ASCC3: variants seen among roughly 807,000 people sequenced by gnomAD.
ASCC3 encodes the protein activating signal cointegrator 1 complex subunit 3.
ASCC3 carries 158 observed loss-of-function variants against 256.3 expected under a neutral mutation model. The observed-to-expected ratio is 0.62, with a 90% confidence interval of 0.54 to 0.70. The LOEUF (loss-of-function observed/expected upper bound fraction) is 0.70. Among genes scored for constraint, ASCC3 ranks in the 30% least tolerant of loss-of-function variants. The pLI is 0.00. For synonymous variants in ASCC3, 948 were observed against 883.4 expected, an observed-to-expected ratio of 1.07 and a Z score of -1.30; for missense variants, 2,259 against 2,626.0, an observed-to-expected ratio of 0.86 and a Z score of 3.05.
At chr6:100,625,086 T>C in intron 30 of ASCC3, 106 bp downstream of exon 30, 1 of 1,316,746 alleles carries the variant, frequency 7.6e-7, no homozygotes. Context: ...GGTGGCGGTA[T>C]TATGAATTTC....
At chr6:100,847,958 C>G in intron 4 of ASCC3, 190 bp downstream of exon 4, 1 of 526,096 alleles carries the variant, frequency 1.9e-6, no homozygotes, top group Non-Finnish European at 3.2e-6. Context: ...ACTCATTACA[C>G]TTTCAGACCT....
chr6:100,585,762 T>C (rs907815141), intron 36 of ASCC3, among the ~76,000 whole-genome samples: 5 of 152,218 alleles, frequency 3.3e-5, no homozygotes, highest in Admixed American at 6.5e-5. Flanking sequence ...GTTTTTGGTA[T>C]GGATGTCCTT....
At position 100,672,677 on chromosome 6, in the gene ASCC3, A is replaced by G. The variant is rs529156633; in HGVS notation, c.2286+6941T>C. Among the ~76,000 whole-genome samples, 21 of 152,212 alleles carry G rather than the reference A, an allele frequency of 1.4e-4. No homozygotes were observed. The South Asian group carries it at 3.5e-3, about 26-fold the overall frequency. On this transcript the variant is annotated intron_variant, in intron 14 of 41. Coordinates refer to ENST00000369162, the MANE Select transcript of ASCC3 (RefSeq NM_006828.4). Reference sequence around the variant, plus strand: ...TCACCATCATGTAACTGGTTGTTAAATTCAAGATCTGTAGTAGTAGCTCTG... The same window carrying G: ...TCACCATCATGTAACTGGTTGTTAAGTTCAAGATCTGTAGTAGTAGCTCTG...
At chr6:100,811,695 G>A (rs1259762602) in intron 4 of ASCC3, among the ~76,000 whole-genome samples, 2 of 151,946 alleles carry the variant, frequency 1.3e-5, no homozygotes, top group African/African-American at 4.8e-5. Flanking sequence ...CATTCAACAG[G>A]GCAAAAATTT....
At position 100,805,782 on chromosome 6, in the gene ASCC3, A is replaced by T. The variant is rs187622877; in HGVS notation, c.900T>A (p.Asp300Glu). ...TACCTTGAAGAGCCTGAAACCTATG[A>T]TCATTTGAAGAATTAAGAAATCTAT... ...IVDRFLNSSN[D>E]HRFQALQDNC... Residue 300 changes from aspartate to glutamate, a missense_variant, in exon 5 of 42, where the codon GAT becomes GAA. By Grantham distance (45) the Asp-to-Glu change is conservative. Around this residue, in one of 2 missense-constraint regions of ASCC3, gnomAD observed 420 missense variants for 419.3 expected, o/e 1.00. Coordinates refer to ENST00000369162, the MANE Select transcript of ASCC3 (RefSeq NM_006828.4). 237 of 1,611,276 alleles carry T rather than the reference A, an allele frequency of 1.5e-4. No homozygotes were observed. The East Asian group carries it at 4.7e-3, about 32-fold the overall frequency.
chr6:100,859,713 T>A (rs547220394), intron 3 of ASCC3, among the ~76,000 whole-genome samples: 1 of 152,144 alleles, frequency 6.6e-6, no homozygotes, highest in African/African-American at 2.4e-5. Flanking sequence ...ACCTTTTGAT[T>A]CATAGTTTTC....
chr6:100,780,517 T>C (rs1041841364), intron 8 of ASCC3, among the ~76,000 whole-genome samples: 3 of 152,048 alleles, frequency 2.0e-5, no homozygotes, highest in Admixed American at 6.6e-5. Context: ...AATGGAAGGA[T>C]TGCTTGAGGC....
intron 13 of ASCC3, among the ~76,000 whole-genome samples, chr6:100,691,316 T>G (rs1454770741): frequency 6.6e-6 from 1 of 152,018 alleles, no homozygotes; most frequent in Non-Finnish European, 1.5e-5. Flanking sequence ...AAGTATAAAA[T>G]TTTAAAACAG....
intron 39 of ASCC3, among the ~76,000 whole-genome samples, chr6:100,513,671 C>G (rs942609726): frequency 6.6e-6 from 1 of 151,956 alleles, no homozygotes; most frequent in Non-Finnish European, 1.5e-5. Context: ...ACTGAGAATA[C>G]CAATTAAAAT....
chr6:100,599,683 A>C (rs1772495687), intron 34 of ASCC3, among the ~76,000 whole-genome samples: 1 of 152,108 alleles, frequency 6.6e-6, no homozygotes, highest in Admixed American at 6.6e-5. Flanking sequence ...AAAAATTTAA[A>C]AAGGAGATAC....
At chr6:100,601,760 G>A (rs1264111492) in intron 34 of ASCC3, 50 bp downstream of exon 34, 22 of 1,599,300 alleles carry the variant, frequency 1.4e-5, no homozygotes, top group African/African-American at 5.4e-5. Flanking sequence ...TTTCAAATAT[G>A]TCTTATTTCG....
At position 100,684,191 on chromosome 6, in the gene ASCC3, A is replaced by G. The variant is rs147487848; in HGVS notation, c.2152-4439T>C. Among the ~76,000 whole-genome samples, 59 of 152,356 alleles carry G rather than the reference A, an allele frequency of 3.9e-4. 2 individuals are homozygous for G. The highest frequency in any genetic ancestry group is 1.4e-3 in the African/African-American group (58 of 41,590). The stretch of plus-strand genomic sequence containing the variant: ...AAATTCTTCTTTGGAGTACTGCTAA[A>G]TATCAGTGTGAGTTAGAATAAATTG... On this transcript the variant is annotated intron_variant, in intron 13 of 41. Transcript: ENST00000369162.
Position 100,662,038 on chromosome 6 carries a change from A to G in ASCC3, c.2479-8T>C, listed in dbSNP as rs747577550. 1 of 1,611,806 alleles carries G rather than the reference A, an allele frequency of 6.2e-7. No individual in the cohort carries two copies. The highest frequency in any genetic ancestry group is 1.7e-5 in the Admixed American group (1 of 59,872). On this transcript the variant is annotated splice_polypyrimidine_tract_variant and splice_region_variant and intron_variant, in intron 15 of 41. Coordinates refer to ENST00000369162, the MANE Select transcript of ASCC3 (RefSeq NM_006828.4). ...AGCATATATTTGTGTTCCCTAGATG[A>G]GGAAAAGTTAACAAAAATTTACATA... is the stretch of plus-strand genomic sequence containing the variant.
intron 8 of ASCC3, among the ~76,000 whole-genome samples, chr6:100,797,460 C>CAAAAAAAAAAAAAAAAAA (rs10550455): frequency 1.2e-5 from 1 of 86,024 alleles, no homozygotes; most frequent in African/African-American, 4.1e-5. Flanking sequence ...AACTCGTTCT[C>CAAAAAAAAAAAAAAAAAA]AAAAAAAAAA....
intron 36 of ASCC3, among the ~76,000 whole-genome samples, chr6:100,576,917 A>G (rs1272564715): frequency 6.6e-6 from 1 of 151,946 alleles, no homozygotes; most frequent in African/African-American, 2.4e-5. Flanking sequence ...GGAGAAAAAA[A>G]AAATGAGTGG....
At chr6:100,659,965 G>C (rs1369901629) in intron 16 of ASCC3, among the ~76,000 whole-genome samples, 1 of 151,446 alleles carries the variant, frequency 6.6e-6, no homozygotes, top group Non-Finnish European at 1.5e-5. Context: ...CTTGTCCTTG[G>C]ATTTAAGGCC....
intron 37 of ASCC3, among the ~76,000 whole-genome samples, chr6:100,537,594 T>C (rs1270825738): frequency 1.3e-5 from 2 of 152,126 alleles, no homozygotes; most frequent in Non-Finnish European, 2.9e-5. Context: ...GAAAATTTCA[T>C]TGTAGTATTT....
At chr6:100,785,933 C>G (rs1769052538) in intron 8 of ASCC3, among the ~76,000 whole-genome samples, 1 of 152,098 alleles carries the variant, frequency 6.6e-6, no homozygotes, top group Admixed American at 6.6e-5. Context: ...CAAACAATAG[C>G]AATACCATGT....
intron 36 of ASCC3, among the ~76,000 whole-genome samples, chr6:100,585,853 C>G (rs547872762): frequency 6.6e-6 from 1 of 152,132 alleles, no homozygotes; most frequent in Non-Finnish European, 1.5e-5. Flanking sequence ...CACTCCAGAC[C>G]CTGTTTGCCT....
Sources: gnomAD v4.1 joint callset for allele counts (sites outside exome capture counted in the v4.1 genomes callset) on GRCh38, gnomAD v4.1.1 for gene constraint, gnomAD v4.1.1 regional missense constraint, MANE v1.5 for transcripts, NCBI Gene and HGNC (gene_info 2026-07-23, HGNC 2026-07-21) for gene names.